The following CFAP299 variants were observed in gnomAD, a reference collection of about 807,000 sequenced individuals.
The protein encoded by CFAP299 is cilia- and flagella-associated protein 299.
In CFAP299, 21 loss-of-function variants were observed where a neutral mutation model predicts 27.0. That is an observed-to-expected ratio of 0.78 (90% CI 0.55 to 1.12). The LOEUF (loss-of-function observed/expected upper bound fraction) is 1.12. CFAP299 is among the 50% of genes most tolerant of loss of function. The pLI is 0.00. For synonymous variants in CFAP299, 104 were observed against 98.1 expected, an observed-to-expected ratio of 1.06 and a Z score of -0.36; for missense variants, 310 against 276.6, an observed-to-expected ratio of 1.12 and a Z score of -0.86.
intron 2 of CFAP299, among the ~76,000 whole-genome samples, chr4:80,440,629 C>A (rs188374454): frequency 2.0e-5 from 3 of 152,154 alleles, no homozygotes; most frequent in African/African-American, 7.2e-5. Context: ...CTGAAAATTC[C>A]AAAAACCAGA....
At chr4:80,631,068 A>C (rs1732078916) in intron 3 of CFAP299, among the ~76,000 whole-genome samples, 1 of 152,060 alleles carries the variant, frequency 6.6e-6, no homozygotes, top group South Asian at 2.1e-4. Flanking sequence ...AGTGTTGTTT[A>C]AATTAATTAT....
intron 3 of CFAP299, among the ~76,000 whole-genome samples, chr4:80,659,647 A>T (rs1294518524): frequency 6.6e-6 from 1 of 152,084 alleles, no homozygotes; most frequent in African/African-American, 2.4e-5. Context: ...TGTGTTGTTG[A>T]GGATGAGGGT....
chr4:80,764,230 T>G (rs1725714978), intron 3 of CFAP299, among the ~76,000 whole-genome samples: 1 of 152,052 alleles, frequency 6.6e-6, no homozygotes, highest in Non-Finnish European at 1.5e-5. Context: ...ATCCAGAGTC[T>G]ACAAGGAACT....
intron 2 of CFAP299, among the ~76,000 whole-genome samples, chr4:80,377,738 C>A (rs1724488843): frequency 6.6e-6 from 1 of 152,006 alleles, no homozygotes; most frequent in African/African-American, 2.4e-5. Context: ...TGCTGTAAAT[C>A]TCTTCATTTA....
At chr4:80,835,722 CAT>C (rs1730527768) in intron 3 of CFAP299, among the ~76,000 whole-genome samples, 2 of 152,180 alleles carry the variant, frequency 1.3e-5, no homozygotes, top group African/African-American at 4.8e-5. Context: ...AAATTAAACA[CAT>C]GTGTGGACCT....
intron 2 of CFAP299, among the ~76,000 whole-genome samples, chr4:80,501,513 CATATAAAT>C (rs1401275249): frequency 6.8e-6 from 1 of 146,346 alleles, no homozygotes; most frequent in Non-Finnish European, 1.5e-5. Context: ...AATATATGTA[CATATAAAT>C]ATATAAATTT....
chr4:80,465,490 G>A (rs558374368), intron 2 of CFAP299, among the ~76,000 whole-genome samples: 1 of 152,294 alleles, frequency 6.6e-6, no homozygotes, highest in South Asian at 2.1e-4. Context: ...GATCCCAGGA[G>A]CAACCTGCAG....
chr4:80,779,703 C>T (rs1726762058), intron 3 of CFAP299, among the ~76,000 whole-genome samples: 1 of 151,958 alleles, frequency 6.6e-6, no homozygotes, highest in African/African-American at 2.4e-5. Context: ...CAGGTATTCT[C>T]CTCATGCACT....
chr4:80,645,947 G>A (rs185991156), intron 3 of CFAP299, among the ~76,000 whole-genome samples: 67 of 152,282 alleles, frequency 4.4e-4, no homozygotes, highest in African/African-American at 1.5e-3. Flanking sequence ...CTTGTGCTTT[G>A]CTGTGACTGA....
chr4:80,852,289 A>G (rs960189671), intron 3 of CFAP299, among the ~76,000 whole-genome samples: 1 of 152,114 alleles, frequency 6.6e-6, no homozygotes, highest in African/African-American at 2.4e-5. Flanking sequence ...AAATTCTTGG[A>G]CATCATCCCA....
Position 80,848,609 on chromosome 4 carries a change from T to C in CFAP299, c.334-21384T>C, listed in dbSNP as rs1436246938. Among the ~76,000 whole-genome samples, 4 of 151,964 alleles carry C rather than the reference T, an allele frequency of 2.6e-5. No homozygotes were observed. In the East Asian group the frequency reaches 7.8e-4, roughly 30 times the overall value. On this transcript the variant is annotated intron_variant, in intron 3 of 5. Transcript: ENST00000358105. Reference sequence around the variant, plus strand: ...TATAGTGAGATCCTCACTCTCCAAATACTAAAACTAAAAATAAATTAGCTG... The same window carrying C: ...TATAGTGAGATCCTCACTCTCCAAACACTAAAACTAAAAATAAATTAGCTG...
chr4:80,616,174 A>G (rs1738264035), intron 3 of CFAP299, among the ~76,000 whole-genome samples: 1 of 152,086 alleles, frequency 6.6e-6, no homozygotes, highest in African/African-American at 2.4e-5. Context: ...GTAAAGTTTC[A>G]CCTGTGTATC....
chr4:80,684,359 G>T (rs145914641), intron 3 of CFAP299, among the ~76,000 whole-genome samples: 1 of 152,008 alleles, frequency 6.6e-6, no homozygotes, highest in Non-Finnish European at 1.5e-5. Flanking sequence ...CGCCTCCCAG[G>T]TTCACACCAT....
intron 3 of CFAP299, among the ~76,000 whole-genome samples, chr4:80,806,619 C>T (rs545418351): frequency 9.2e-5 from 14 of 152,168 alleles, no homozygotes; most frequent in Non-Finnish European, 1.0e-4. Flanking sequence ...AAGGAAAAGA[C>T]AATTCATTCC....
At chr4:80,533,084 A>G (rs1308524674) in intron 2 of CFAP299, among the ~76,000 whole-genome samples, 2 of 152,176 alleles carry the variant, frequency 1.3e-5, no homozygotes, top group Non-Finnish European at 2.9e-5. Flanking sequence ...CCTTCTAAGT[A>G]TTGTCTACAT....
At chr4:80,766,290 A>G (rs1299856751) in intron 3 of CFAP299, among the ~76,000 whole-genome samples, 1 of 152,196 alleles carries the variant, frequency 6.6e-6, no homozygotes, top group South Asian at 2.1e-4. Context: ...TCATAGAGAC[A>G]ATACATTTTA....
intron 3 of CFAP299, among the ~76,000 whole-genome samples, chr4:80,831,914 C>T (rs1476324221): frequency 6.6e-6 from 1 of 152,104 alleles, no homozygotes; most frequent in African/African-American, 2.4e-5. Flanking sequence ...TCATCAGAAA[C>T]TAGTGCTTGT....
chr4:80,953,800 TAA>T (rs1176546804), intron 5 of CFAP299, among the ~76,000 whole-genome samples: 5 of 152,080 alleles, frequency 3.3e-5, no homozygotes, highest in Admixed American at 6.6e-5. Context: ...TGTTTAGTAA[TAA>T]GAGAGTATAA....
intron 4 of CFAP299, among the ~76,000 whole-genome samples, chr4:80,905,433 A>G (rs1578228231): frequency 1.3e-5 from 2 of 152,332 alleles, no homozygotes; most frequent in South Asian, 2.1e-4. Context: ...TGTGCCTTCT[A>G]ATCATTAAAA....
Sources: allele counts gnomAD v4.1 joint callset (sites outside exome capture counted in the v4.1 genomes callset), GRCh38; gene constraint gnomAD v4.1.1; transcripts MANE v1.5; gene names NCBI Gene and HGNC (gene_info 2026-07-23, HGNC 2026-07-21).